AP2A2: variants seen among roughly 807,000 people sequenced by gnomAD.
The protein encoded by AP2A2 is adaptor related protein complex 2 subunit alpha 2, also known as AP-2 complex subunit alpha-2.
Under a neutral mutation model 104.2 loss-of-function variants are expected in AP2A2, and 32 were observed. The ratio of observed to expected loss-of-function variants is 0.31; its 90% CI spans 0.23 to 0.41. The LOEUF (loss-of-function observed/expected upper bound fraction) is 0.41. Among genes scored for constraint, AP2A2 ranks in the 10% least tolerant of loss-of-function variants. The pLI is 1.00. For missense variants in AP2A2, 912 were observed against 1,261.0 expected (o/e 0.72, Z 4.19); for synonymous variants, 539 against 533.3 (o/e 1.01, Z -0.15).
intron 4 of AP2A2, among the ~76,000 whole-genome samples, chr11:976,004 C>A (rs1855019410): frequency 6.6e-6 from 1 of 152,220 alleles, no homozygotes; most frequent in Non-Finnish European, 1.5e-5. Context: ...TTTGTAGCCA[C>A]AAGCATGGAA....
At chr11:970,426 C>T (rs1243324056) in intron 3 of AP2A2, 115 bp downstream of exon 3, 44 of 1,356,084 alleles carry the variant, frequency 3.2e-5, no homozygotes, top group Admixed American at 7.2e-5. Context: ...ACGTGAGCCA[C>T]GTGGGTCTGC....
chr11:937,842 T>G (rs1159016212), intron 1 of AP2A2, among the ~76,000 whole-genome samples: 1 of 152,186 alleles, frequency 6.6e-6, no homozygotes, highest in East Asian at 1.9e-4. Flanking sequence ...CTGTCTATAC[T>G]TATTTACAGA....
At chr11:1,008,270 G>C (rs1449933558) in intron 18 of AP2A2, 135 bp downstream of exon 18, 3 of 1,287,588 alleles carry the variant, frequency 2.3e-6, no homozygotes, top group Non-Finnish European at 3.1e-6. Context: ...CATGGATGCG[G>C]CCTGAGCTAT....
At chr11:1,005,694 C>T (rs1856180073) in intron 16 of AP2A2, among the ~76,000 whole-genome samples, 2 of 152,146 alleles carry the variant, frequency 1.3e-5, no homozygotes, top group African/African-American at 4.8e-5. Flanking sequence ...TAGTCCTCTG[C>T]CCGCCAGGGG....
At chr11:1,002,412 G>A (rs930422317) in intron 15 of AP2A2, among the ~76,000 whole-genome samples, 9 of 152,246 alleles carry the variant, frequency 5.9e-5, no homozygotes, top group African/African-American at 2.2e-4. Context: ...GTTGTGGATC[G>A]CTGTCCTGTG....
At chr11:972,792 C>T (rs1854878412) in intron 4 of AP2A2, among the ~76,000 whole-genome samples, 1 of 152,270 alleles carries the variant, frequency 6.6e-6, no homozygotes, top group African/African-American at 2.4e-5. Context: ...AACGCCCACA[C>T]CCTGCCAGCA....
Position 993,745 on chromosome 11 carries a change from C to CG in AP2A2, c.1551-8dup, listed in dbSNP as rs778759944. On this transcript the variant is annotated splice_polypyrimidine_tract_variant and intron_variant, in intron 12 of 21. Coordinates refer to ENST00000448903, the MANE Select transcript of AP2A2 (RefSeq NM_012305.4). The surrounding 1 kb of genome is among the most constrained non-coding windows in gnomAD (Gnocchi z 8.2). ...ACGGTGTCCCTGTGTTGTGCCTCCC[C>CG]GTCCCCAGCCCGCTGATCCAGTTCC... is the stretch of plus-strand genomic sequence containing the variant. The CG allele has an allele frequency of 3.2e-5, 50 of 1,575,612 alleles. 2 individuals are homozygous for CG. The South Asian group carries it at 4.4e-4, about 14-fold the overall frequency.
At chr11:942,856 G>T (rs1204669893) in intron 1 of AP2A2, among the ~76,000 whole-genome samples, 1 of 152,134 alleles carries the variant, frequency 6.6e-6, no homozygotes, top group Non-Finnish European at 1.5e-5. Context: ...AGCTGCCTGG[G>T]ACCAGCCTTG....
At chr11:981,425 C>A (rs1855236720) in intron 6 of AP2A2, 126 bp downstream of exon 6, 2 of 790,380 alleles carry the variant, frequency 2.5e-6, no homozygotes, top group African/African-American at 1.7e-5. Flanking sequence ...ACCAACTTGG[C>A]TTCTCTGTCA....
intron 2 of AP2A2, among the ~76,000 whole-genome samples, chr11:966,083 C>T (rs1448745119): frequency 6.6e-6 from 1 of 152,328 alleles, no homozygotes; most frequent in African/African-American, 2.4e-5. Context: ...GGTGAACTCA[C>T]CCACCTCAAG....
chr11:930,544 G>A (rs923849050), intron 1 of AP2A2, among the ~76,000 whole-genome samples: 5 of 150,328 alleles, frequency 3.3e-5, no homozygotes, highest in East Asian at 1.9e-4. Context: ...TTTTTGAGAC[G>A]GAGTTGCGCT....
At position 1,010,656 on chromosome 11, in the gene AP2A2, C is replaced by G. The variant is rs1856396610; in HGVS notation, c.*31C>G. ...AGGATGGAAGACCAGGCTCGTGTGTCTTGTGTTGTCTTCGTCTGTGCCGTT... is the reference window on the plus strand; with the variant it reads ...AGGATGGAAGACCAGGCTCGTGTGTGTTGTGTTGTCTTCGTCTGTGCCGTT... On this transcript the variant is annotated 3_prime_UTR_variant, in exon 22 of 22. Transcript: ENST00000448903. The G allele has an allele frequency of 6.5e-7, 1 of 1,530,800 alleles. No homozygotes were observed. 94.8% of individuals were successfully genotyped at this position (1,530,800 alleles called of 1,614,324 possible). A position where few individuals can be genotyped will look rare whatever the true frequency, so the allele number is the denominator to read the frequency against.
intron 1 of AP2A2, among the ~76,000 whole-genome samples, chr11:928,726 C>T (rs1008066582): frequency 2.0e-5 from 3 of 152,232 alleles, no homozygotes; most frequent in Non-Finnish European, 2.9e-5. Context: ...TGAAGGAGCT[C>T]GTAGAAGAAG....
chr11:993,553 AG>A lies in AP2A2; in HGVS notation c.1550+173del, dbSNP rs1043118559. Among the ~76,000 whole-genome samples, 7 of 152,002 alleles carry A rather than the reference AG, an allele frequency of 4.6e-5. No homozygotes were observed. The highest frequency in any genetic ancestry group is 8.8e-5 in the Non-Finnish European group (6 of 67,982). On this transcript the variant is annotated intron_variant, in intron 12 of 21. Coordinates refer to ENST00000448903, the MANE Select transcript of AP2A2 (RefSeq NM_012305.4). This position sits in a 1 kb window ranked among gnomAD's most constrained non-coding sequence, Gnocchi z 8.2. Reference sequence around the variant, plus strand: ...AGTTGATAGAAAAAGCAGGGATTCTAGTAGAAAATGGAGACGTGGGGTTGAT... The same window carrying A: ...AGTTGATAGAAAAAGCAGGGATTCTATAGAAAATGGAGACGTGGGGTTGAT...
chr11:999,961 G>A (rs888106440), intron 14 of AP2A2, among the ~76,000 whole-genome samples: 3 of 151,722 alleles, frequency 2.0e-5, no homozygotes, highest in South Asian at 2.1e-4. Context: ...CCACCACCAC[G>A]CCCGGCTAAT....
chr11:972,311 A>G (rs1426194856), intron 4 of AP2A2, 56 bp downstream of exon 4: 4 of 1,462,814 alleles, frequency 2.7e-6, no homozygotes, highest in East Asian at 2.4e-5. Flanking sequence ...TTCATGCCAA[A>G]TACATCAAAT....
chr11:1,009,475 G>T lies in AP2A2; in HGVS notation c.2607+78G>T. On this transcript the variant is annotated intron_variant, in intron 20 of 21. Coordinates refer to ENST00000448903, the MANE Select transcript of AP2A2 (RefSeq NM_012305.4). ...CCAGGGTCTGGAGGGACGGCCCCGG[G>T]GAACACGCAGCCCATGACCCCGCGC... 6 of 1,464,012 alleles carry T rather than the reference G, an allele frequency of 4.1e-6. No individual in the cohort carries two copies. The South Asian group carries it at 7.0e-5, about 17-fold the overall frequency. The allele number at this position is 1,464,012 out of a possible 1,614,324, so 90.7% of individuals were successfully genotyped here.
At chr11:944,068 G>C (rs929422092) in intron 1 of AP2A2, among the ~76,000 whole-genome samples, 2 of 151,118 alleles carry the variant, frequency 1.3e-5, no homozygotes, top group Non-Finnish European at 3.0e-5. Context: ...GAGTAAGGGA[G>C]TCTGACTGGA....
intron 3 of AP2A2, among the ~76,000 whole-genome samples, 199 bp downstream of exon 3, chr11:970,510 G>A (rs7396798): frequency 3.9e-5 from 6 of 152,038 alleles, no homozygotes; most frequent in African/African-American, 1.2e-4. Flanking sequence ...TCCCGCCCAA[G>A]CTGGGTGTTC....
Sources: gnomAD v4.1 joint callset for allele counts (sites outside exome capture counted in the v4.1 genomes callset) on GRCh38, gnomAD v4.1.1 for gene constraint, Gnocchi (gnomAD v3.1) non-coding constraint, MANE v1.5 for transcripts, NCBI Gene and HGNC (gene_info 2026-07-23, HGNC 2026-07-21) for gene names.